The following SULT1B1 variants were observed in gnomAD, a reference collection of about 807,000 sequenced individuals.
The protein encoded by SULT1B1 is sulfotransferase 1B1.
A neutral mutation model predicts 34.6 loss-of-function variants in SULT1B1; 28 were observed. The ratio of observed to expected loss-of-function variants is 0.81; its 90% CI spans 0.60 to 1.11. The LOEUF is 1.11. Among genes scored for constraint, SULT1B1 ranks in the 50% least tolerant of loss-of-function variants. SULT1B1 has a pLI of 0.00. For missense variants in SULT1B1, 374 were observed against 352.2 expected (o/e 1.06, Z -0.50); for synonymous variants, 147 against 110.2 (o/e 1.33, Z -2.09).
intron 3 of SULT1B1, among the ~76,000 whole-genome samples, chr4:69,752,202 T>C (rs1374897209): frequency 6.6e-6 from 1 of 152,240 alleles, no homozygotes; most frequent in Non-Finnish European, 1.5e-5. Context: ...TATACTTGAA[T>C]TTTAAGTTGA....
rs545191649 is a variant in SULT1B1, at chr4:69,726,184, G to A, written c.*904C>T. Reference sequence around the variant, plus strand: ...GTCAAGAGGGCAGAGTGGAGATTCAGCCTAGAGAGTCTTCCTTGGGCACCA... The same window carrying A: ...GTCAAGAGGGCAGAGTGGAGATTCAACCTAGAGAGTCTTCCTTGGGCACCA... On this transcript the variant is annotated 3_prime_UTR_variant, in exon 8 of 8. Transcript: ENST00000310613. 12 of 150,026 alleles carry A rather than the reference G, an allele frequency of 8.0e-5. No homozygotes were observed. Among genetic ancestry groups the A allele is most frequent in the African/African-American group, 2.9e-4 (12 of 40,900 alleles). The allele number at this position is 150,026 out of a possible 1,614,324, so 9.3% of individuals were successfully genotyped here. A position where few individuals can be genotyped will look rare whatever the true frequency, so the allele number is the denominator to read the frequency against.
chr4:69,728,987 T>C (rs1717954118), intron 7 of SULT1B1, among the ~76,000 whole-genome samples: 1 of 151,986 alleles, frequency 6.6e-6, no homozygotes, highest in Admixed American at 6.6e-5. Context: ...TTTTTTTCTA[T>C]TGAGGTTGGA....
Position 69,726,389 on chromosome 4 carries a change from C to T in SULT1B1, c.*699G>A, listed in dbSNP as rs1417525609. ...GGTCTGTTGGGAAAAAGAGGACTCCCCATAAGAAGTAGGTCACAGCCCTCA... is the reference window on the plus strand; with the variant it reads ...GGTCTGTTGGGAAAAAGAGGACTCCTCATAAGAAGTAGGTCACAGCCCTCA... On this transcript the variant is annotated 3_prime_UTR_variant, in exon 8 of 8. Coordinates refer to ENST00000310613, the MANE Select transcript of SULT1B1 (RefSeq NM_014465.4). The T allele has an allele frequency of 6.6e-6, 1 of 151,756 alleles. No individual in the cohort carries two copies. The highest frequency in any genetic ancestry group is 2.4e-5 in the African/African-American group (1 of 41,310). 9.4% of individuals were successfully genotyped at this position (151,756 alleles called of 1,614,324 possible).
At chr4:69,749,910 G>T in intron 3 of SULT1B1, 92 bp from the exon 4 acceptor site, 4 of 886,796 alleles carry the variant, frequency 4.5e-6, no homozygotes, top group South Asian at 2.8e-5. Flanking sequence ...AGACATTTTT[G>T]AGCATTATGT....
In SULT1B1 at chr4:69,726,914, A is replaced by G. The variant is rs1717852310; in HGVS notation, c.*174T>C. 1 of 475,426 alleles carries G rather than the reference A, an allele frequency of 2.1e-6. No homozygotes were observed. The highest frequency in any genetic ancestry group is 3.6e-6 in the Non-Finnish European group (1 of 278,216). 29.5% of individuals were successfully genotyped at this position (475,426 alleles called of 1,614,324 possible). On this transcript the variant is annotated 3_prime_UTR_variant, in exon 8 of 8. Coordinates refer to ENST00000310613, the MANE Select transcript of SULT1B1 (RefSeq NM_014465.4). ...AGCCTTAGAGAATTTGGAAACTCAG[A>G]ATCAAAGGAACAAAACTGGGATCTG...
At chr4:69,754,012 T>C (rs1018346278) in intron 3 of SULT1B1, among the ~76,000 whole-genome samples, 1 of 152,178 alleles carries the variant, frequency 6.6e-6, no homozygotes, top group African/African-American at 2.4e-5. Flanking sequence ...GCTGCCTGAT[T>C]TGTGAATTGT....
In SULT1B1 at chr4:69,755,166, A is replaced by T. The variant is rs1357460964; in HGVS notation, c.52T>A (p.Tyr18Asn). ...LRKDLKLVHG[Y>N]PMTCAFASNW... Reference sequence around the variant, plus strand: ...CTTGCAAAAGCACAGGTCATGGGATAACCATGGACCAACTTCAGATCTTTT... The same window carrying T: ...CTTGCAAAAGCACAGGTCATGGGATTACCATGGACCAACTTCAGATCTTTT... The change falls in exon 2 of 8, where the codon TAT becomes AAT. Residue 18 changes from tyrosine to asparagine, a missense_variant. Tyr to Asn is a moderately radical substitution (Grantham distance 143). Coordinates refer to ENST00000310613, the MANE Select transcript of SULT1B1 (RefSeq NM_014465.4). 1 of 1,613,630 alleles carries T rather than the reference A, an allele frequency of 6.2e-7. No homozygotes were observed. The highest frequency in any genetic ancestry group is 1.3e-5 in the African/African-American group (1 of 74,934).
chr4:69,741,752 A>T (rs1352380032), intron 4 of SULT1B1, among the ~76,000 whole-genome samples: 1 of 152,204 alleles, frequency 6.6e-6, no homozygotes, highest in Non-Finnish European at 1.5e-5. Context: ...AGTTTGCTGA[A>T]GTTGCTTAAC....
intron 7 of SULT1B1, among the ~76,000 whole-genome samples, chr4:69,729,498 T>C (rs1400084042): frequency 6.6e-6 from 1 of 152,116 alleles, no homozygotes; most frequent in Non-Finnish European, 1.5e-5. Flanking sequence ...AAACTTATAA[T>C]GCATACAATT....
chr4:69,738,748 A>G (rs1718417671), intron 4 of SULT1B1, among the ~76,000 whole-genome samples: 1 of 152,154 alleles, frequency 6.6e-6, no homozygotes, highest in South Asian at 2.1e-4. Context: ...CATTAACCCA[A>G]AAGTCCAAGT....
intron 3 of SULT1B1, 34 bp from the exon 4 acceptor site, chr4:69,749,852 G>C (rs1718911329): frequency 6.6e-7 from 1 of 1,521,052 alleles, no homozygotes; most frequent in African/African-American, 1.4e-5. Context: ...GGAAATATTA[G>C]AGTCTCCAGA....
chr4:69,732,653 G>A (rs1718128302), intron 6 of SULT1B1, among the ~76,000 whole-genome samples: 1 of 151,578 alleles, frequency 6.6e-6, no homozygotes, highest in Admixed American at 6.6e-5. Context: ...ATGTCTGTGT[G>A]TATTTGGCAA....
At chr4:69,759,533 G>T (rs185753684) in intron 1 of SULT1B1, among the ~76,000 whole-genome samples, 1 of 152,188 alleles carries the variant, frequency 6.6e-6, no homozygotes, top group Non-Finnish European at 1.5e-5. Flanking sequence ...TGGGAAGTGG[G>T]TGTGTCCAAT....
At position 69,734,136 on chromosome 4, in the gene SULT1B1, A is replaced by G. The variant is rs998236134; in HGVS notation, c.502+2T>C. 1.9e-6 allele frequency: 3 copies of G among 1,605,258 alleles called. No homozygotes were observed. Among genetic ancestry groups the G allele is most frequent in the Non-Finnish European group, 2.6e-6 (3 of 1,175,608 alleles). On this transcript the variant is annotated splice_donor_variant, in intron 5 of 7. Transcript: ENST00000310613. LOFTEE classifies it high-confidence loss of function. ...ATCAATTTTAAGATAAAGTCCACATACCTTTTCCAGTTAAGAATTTCTCCA... is the reference window on the plus strand; with the variant it reads ...ATCAATTTTAAGATAAAGTCCACATGCCTTTTCCAGTTAAGAATTTCTCCA...
intron 1 of SULT1B1, among the ~76,000 whole-genome samples, chr4:69,757,273 A>G (rs979804592): frequency 2.0e-5 from 3 of 152,206 alleles, no homozygotes; most frequent in Non-Finnish European, 4.4e-5. Flanking sequence ...TTGTATAGAT[A>G]GAATTTGAAC....
intron 4 of SULT1B1, among the ~76,000 whole-genome samples, chr4:69,736,558 A>AAT (rs1012654328): frequency 2.0e-5 from 3 of 152,266 alleles, no homozygotes; most frequent in East Asian, 3.9e-4. Context: ...TATTCACACA[A>AAT]ATATATATAT....
intron 4 of SULT1B1, 39 bp from the exon 5 acceptor site, chr4:69,734,303 A>T (rs1578050139): frequency 4.4e-6 from 7 of 1,588,464 alleles, no homozygotes; most frequent in Non-Finnish European, 4.3e-6. Flanking sequence ...AAAATAAGAT[A>T]AAAGACATTT....
At chr4:69,727,655 G>A (rs1420536559) in intron 7 of SULT1B1, among the ~76,000 whole-genome samples, 2 of 151,972 alleles carry the variant, frequency 1.3e-5, no homozygotes, top group African/African-American at 2.4e-5. Flanking sequence ...AAGTTGATAA[G>A]TATCATTTCC....
At chr4:69,746,547 C>T (rs1718752313) in intron 4 of SULT1B1, among the ~76,000 whole-genome samples, 1 of 151,920 alleles carries the variant, frequency 6.6e-6, no homozygotes, top group South Asian at 2.1e-4. Flanking sequence ...TTTTTATTTC[C>T]AGAAGTTCAG....
Sources: gnomAD v4.1 joint callset for allele counts (sites outside exome capture counted in the v4.1 genomes callset) on GRCh38, gnomAD v4.1.1 for gene constraint, MANE v1.5 for transcripts, NCBI Gene and HGNC (gene_info 2026-07-23, HGNC 2026-07-21) for gene names.